The following RNF213 variants were observed in gnomAD, a reference collection of about 807,000 sequenced individuals.
The protein encoded by RNF213 is ring finger protein 213, also known as E3 ubiquitin-protein ligase RNF213.
A neutral mutation model predicts 514.4 loss-of-function variants in RNF213; 341 were observed. The ratio of observed to expected loss-of-function variants is 0.66; its 90% CI spans 0.61 to 0.73. The LOEUF (loss-of-function observed/expected upper bound fraction) is 0.73, where lower values mean the gene tolerates loss of function less well. Among genes scored for constraint, RNF213 ranks in the 30% least tolerant of loss-of-function variants. RNF213 has a pLI of 0.00. For synonymous variants in RNF213, 2,655 were observed against 2,658.2 expected (o/e 1.00, Z 0.04); for missense variants, 5,767 against 6,615.6 (o/e 0.87, Z 4.45).
In RNF213 at chr17:80,379,680, G is replaced by C; in HGVS notation, c.13606G>C (p.Asp4536His). 6.2e-7 allele frequency: 1 copy of C among 1,614,222 alleles called. No homozygotes were observed. The highest frequency in any genetic ancestry group is 1.1e-5 in the South Asian group (1 of 91,062). Residue 4536 changes from aspartate to histidine, a missense_variant, in exon 55 of 68, where the codon GAC becomes CAC. By Grantham distance (81) the Asp-to-His change is moderately conservative. Around this residue, in one of 13 missense-constraint regions of RNF213, gnomAD observed 1,245 missense variants for 1,339.0 expected, o/e 0.93. Coordinates refer to ENST00000582970, the MANE Select transcript of RNF213 (RefSeq NM_001256071.3). ...IDCHAPIGGIDHKPRDGFHLV... is the reference protein window; with the variant it reads ...IDCHAPIGGIHHKPRDGFHLV... Reference sequence around the variant, plus strand: ...CTGCCATGCGCCGATTGGAGGCATTGACCACAAACCTCGGGACGGCTTTCA... The same window carrying C: ...CTGCCATGCGCCGATTGGAGGCATTCACCACAAACCTCGGGACGGCTTTCA...
At chr17:80,334,301 T>C (rs2077921227) in intron 22 of RNF213, 31 bp downstream of exon 22, 2 of 1,514,632 alleles carry the variant, frequency 1.3e-6, no homozygotes, top group Non-Finnish European at 8.8e-7. Flanking sequence ...TGCGTGGAAG[T>C]GTGGAGAAAG....
rs1013876504 is a variant in RNF213 at position 80,340,341 on chromosome 17, G to C, written c.5974G>C (p.Glu1992Gln). 1 of 1,612,404 alleles carries C rather than the reference G, an allele frequency of 6.2e-7. No homozygotes were observed. Among genetic ancestry groups the C allele is most frequent in the Admixed American group, 1.7e-5 (1 of 59,984 alleles). Reference sequence around the variant, plus strand: ...GCTGTGTGTTGGGATCGTGGCCTCGGAGCGAGCAGGTGTTGGTAAGGAGAG... The same window carrying C: ...GCTGTGTGTTGGGATCGTGGCCTCGCAGCGAGCAGGTGTTGGTAAGGAGAG... ...DRLCVGIVAS[E>Q]RAGVGKSLYV... Residue 1992 changes from glutamate (E) to glutamine (Q), a missense_variant, in exon 26 of 68, where the codon GAG becomes CAG. By Grantham distance (29) the Glu-to-Gln change is conservative. Around this residue, in one of 13 missense-constraint regions of RNF213, gnomAD observed 1,377 missense variants for 1,635.2 expected, o/e 0.84. Coordinates refer to ENST00000582970, the MANE Select transcript of RNF213 (RefSeq NM_001256071.3).
rs753467321 is a variant in RNF213 at position 80,381,537 on chromosome 17, G to GC, written c.13798-5dup. On this transcript the variant is annotated splice_polypyrimidine_tract_variant and intron_variant, in intron 56 of 67. Transcript: ENST00000582970. Reference sequence around the variant, plus strand: ...TCCCCGCTGAACACTCTGTTCCGTTGCCCCCACAGGCTCTGATAAACATCA... The same window carrying GC: ...TCCCCGCTGAACACTCTGTTCCGTTGCCCCCCACAGGCTCTGATAAACATCA... 4.3e-6 allele frequency: 7 copies of GC among 1,613,874 alleles called. No homozygotes were observed. Among genetic ancestry groups the GC allele is most frequent in the Non-Finnish European group, 5.9e-6 (7 of 1,179,866 alleles).
chr17:80,276,533 A>G (rs2044062233), intron 3 of RNF213, among the ~76,000 whole-genome samples: 1 of 152,238 alleles, frequency 6.6e-6, no homozygotes, highest in Non-Finnish European at 1.5e-5. Context: ...AACAAGAGAA[A>G]ACCGACATGA....
intron 36 of RNF213, among the ~76,000 whole-genome samples, chr17:80,357,075 C>T (rs368315497): frequency 2.6e-5 from 4 of 151,984 alleles, no homozygotes; most frequent in Admixed American, 2.6e-4. Context: ...CCTGCCACCA[C>T]GACTGTAATT....
rs1906315578 is a variant in RNF213 at position 80,264,675 on chromosome 17, C to G, written c.97+897C>G. Among the ~76,000 whole-genome samples, 1 of 152,172 alleles carries G rather than the reference C, an allele frequency of 6.6e-6. No homozygotes were observed. Among genetic ancestry groups the G allele is most frequent in the African/African-American group, 2.4e-5 (1 of 41,432 alleles). On this transcript the variant is annotated intron_variant, in intron 2 of 67. Coordinates refer to ENST00000582970, the MANE Select transcript of RNF213 (RefSeq NM_001256071.3). The surrounding 1 kb of genome is among the most constrained non-coding windows in gnomAD (Gnocchi z 5.0). ...TGCTGGTCTCCCCGCCTCCACGCTG[C>G]ATGCTGCCTTCCTGCTTCCTGCTCA...
At chr17:80,354,875 A>G (rs538479406) in intron 36 of RNF213, 1 of 436,912 alleles carries the variant, frequency 2.3e-6, no homozygotes, top group African/African-American at 2.0e-5. Context: ...TCATGTTGAT[A>G]ACCCTAGAAA....
In RNF213 at chr17:80,288,700, C is replaced by T; in HGVS notation, c.878C>T (p.Thr293Ile). 2.5e-6 allele frequency: 4 copies of T among 1,614,198 alleles called. No individual in the cohort carries two copies. The highest frequency in any genetic ancestry group is 1.7e-5 in the Admixed American group (1 of 60,022). Residue 293 changes from threonine to isoleucine, a missense_variant, in exon 5 of 68, where the codon ACC becomes ATC. Thr to Ile is a moderately conservative substitution (Grantham distance 89, BLOSUM62 -1). Around this residue, in one of 13 missense-constraint regions of RNF213, gnomAD observed 509 missense variants for 496.7 expected, o/e 1.02. Coordinates refer to ENST00000582970, the MANE Select transcript of RNF213 (RefSeq NM_001256071.3). This position sits in a 1 kb window ranked among gnomAD's most constrained non-coding sequence, Gnocchi z 4.9. Reference protein sequence around the residue: ...KGAGKEMKEKTQRMKQPPATT... With the variant: ...KGAGKEMKEKIQRMKQPPATT... ...GCCGGGAAGGAAATGAAAGAGAAGACCCAGAGAATGAAACAGCCACCAGCA... is the reference window on the plus strand; with the variant it reads ...GCCGGGAAGGAAATGAAAGAGAAGATCCAGAGAATGAAACAGCCACCAGCA...
At chr17:80,289,601 A>AAG (rs2044611750) in intron 5 of RNF213, 58 bp from the exon 6 acceptor site, 15 of 1,575,396 alleles carry the variant, frequency 9.5e-6, no homozygotes, top group Non-Finnish European at 1.3e-5. Flanking sequence ...AGAAAAAAAA[A>AAG]AAAAAAAGAA....
In RNF213 at chr17:80,363,712, T is replaced by C; in HGVS notation, c.11672T>C (p.Met3891Thr). 1.2e-6 allele frequency: 2 copies of C among 1,613,918 alleles called. No homozygotes were observed. The highest frequency in any genetic ancestry group is 1.1e-5 in the South Asian group (1 of 91,060). Residue 3891 changes from methionine to threonine, a missense_variant, in exon 41 of 68, where the codon ATG becomes ACG. Physicochemically the swap from Met to Thr is moderately conservative, Grantham distance 81 (BLOSUM62 -1). This residue lies in a region of RNF213 where 355 missense variants were observed against 358.0 expected (regional missense o/e 0.99). Coordinates refer to ENST00000582970, the MANE Select transcript of RNF213 (RefSeq NM_001256071.3). The stretch of plus-strand genomic sequence containing the variant: ...CTACAGTTGGTGAAGAATCTTTCCA[T>C]GCCGCTGGAGCTCATCTGCTCCGAT... ...AWLQLVKNLS[M>T]PLELICSDEH... is the part of the protein sequence containing the mutation.
intron 17 of RNF213, chr17:80,319,574 A>C: frequency 6.3e-7 from 1 of 1,593,226 alleles, no homozygotes; most frequent in Non-Finnish European, 8.5e-7. Context: ...CGCGTGTGGC[A>C]CAAGTCACAC....
chr17:80,354,731 G>A lies in RNF213; in HGVS notation c.10862+155G>A, dbSNP rs530422594. 3.8e-5 allele frequency: 35 copies of A among 922,002 alleles called. No individual in the cohort carries two copies. In the East Asian group the frequency reaches 7.3e-4, roughly 19 times the overall value. 57.1% of individuals were successfully genotyped at this position (922,002 alleles called of 1,614,324 possible). ...AAGCTGTAAAGTTTTTCCCCAAGAA[G>A]CACACAGTAGGTCTGGACAGTGGCC... On this transcript the variant is annotated intron_variant, in intron 36 of 67. Coordinates refer to ENST00000582970, the MANE Select transcript of RNF213 (RefSeq NM_001256071.3).
rs1240845918 is a variant in RNF213, at chr17:80,388,600, T to C, written c.14923-12T>C. The stretch of plus-strand genomic sequence containing the variant: ...ATTTAATTTTAAAAAACTTTTTTCT[T>C]TCCCAATTTAGGGAATACCCACTCT... On this transcript the variant is annotated splice_polypyrimidine_tract_variant and intron_variant, in intron 63 of 67. Transcript: ENST00000582970. 3 of 1,590,338 alleles carry C rather than the reference T, an allele frequency of 1.9e-6. No homozygotes were observed. The Admixed American group carries it at 5.0e-5, about 27-fold the overall frequency.
Position 80,345,141 on chromosome 17 carries a change from C to G in RNF213, c.6806C>G (p.Thr2269Ser), listed in dbSNP as rs1316242910. 6.2e-7 allele frequency: 1 copy of G among 1,614,144 alleles called. No homozygotes were observed. Reference sequence around the variant, plus strand: ...GATTTTGCCACACCATCACTCCACACCTCTGACCAAAGCCCGGGGAAGCAC... The same window carrying G: ...GATTTTGCCACACCATCACTCCACAGCTCTGACCAAAGCCCGGGGAAGCAC... ...ARDFATPSLHTSDQSPGKHMV... is the reference protein window; with the variant it reads ...ARDFATPSLHSSDQSPGKHMV... The change falls in exon 29 of 68, where the codon ACC (threonine) becomes AGC (serine). Residue 2269 changes from threonine (T) to serine (S), a missense_variant. Around this residue, in one of 13 missense-constraint regions of RNF213, gnomAD observed 1,377 missense variants for 1,635.2 expected, o/e 0.84. Coordinates refer to ENST00000582970, the MANE Select transcript of RNF213 (RefSeq NM_001256071.3). The surrounding 1 kb of genome is among the most constrained non-coding windows in gnomAD (Gnocchi z 6.0).
chr17:80,338,115 C>G (rs989176291), intron 25 of RNF213, 118 bp downstream of exon 25: 33 of 1,258,878 alleles, frequency 2.6e-5, no homozygotes, highest in Non-Finnish European at 3.3e-5. Flanking sequence ...AAGAAGGGCT[C>G]TGCTCTTAGG....
At position 80,339,371 on chromosome 17, in the gene RNF213, T is replaced by A. The variant is rs2078082756; in HGVS notation, c.5004T>A (p.Asp1668Glu). 2.0e-6 allele frequency: 3 copies of A among 1,537,272 alleles called. No individual in the cohort carries two copies. Among genetic ancestry groups the A allele is most frequent in the Non-Finnish European group, 2.6e-6 (3 of 1,146,906 alleles). Residue 1668 changes from aspartate (D) to glutamate (E), a missense_variant, in exon 26 of 68, where the codon GAT becomes GAA. This residue lies in a region of RNF213 where 1,377 missense variants were observed against 1,635.2 expected (regional missense o/e 0.84). Transcript: ENST00000582970. Reference protein sequence around the residue: ...DLVTELKEGGDVTELLAALCR... With the variant: ...DLVTELKEGGEVTELLAALCR... ...TGACGGAGCTTAAAGAAGGTGGAGA[T>A]GTCACTGAGCTGCTGGCAGCCCTCT...
At chr17:80,369,360 T>C (rs1599154923) in intron 44 of RNF213, 142 bp from the exon 45 acceptor site, 1 of 837,936 alleles carries the variant, frequency 1.2e-6, no homozygotes, top group Non-Finnish European at 2.0e-6. Context: ...ATCGCGCCAC[T>C]GTACTCCAGC....
chr17:80,313,185 G>A lies in RNF213; in HGVS notation c.2811+18G>A. The A allele has an allele frequency of 6.2e-7, 1 of 1,613,986 alleles. No individual in the cohort carries two copies. Among genetic ancestry groups the A allele is most frequent in the Non-Finnish European group, 8.5e-7 (1 of 1,180,030 alleles). ...AAATTGAGGTAGGCATTTGGCCGAAGGCTTCTGGGTAGGGATGTGACTGAT... is the reference window on the plus strand; with the variant it reads ...AAATTGAGGTAGGCATTTGGCCGAAAGCTTCTGGGTAGGGATGTGACTGAT... On this transcript the variant is annotated intron_variant, in intron 15 of 67. Coordinates refer to ENST00000582970, the MANE Select transcript of RNF213 (RefSeq NM_001256071.3).
chr17:80,314,955 ATGG>A lies in RNF213; in HGVS notation c.2811+1793_2811+1795del, dbSNP rs1273353264. ...GGTGTTGGTGGAGGTACTGGAGGTG[ATGG>A]TGGTCGTGTAGGTGATGGTGGAGGT... On this transcript the variant is annotated intron_variant, in intron 15 of 67. Coordinates refer to ENST00000582970, the MANE Select transcript of RNF213 (RefSeq NM_001256071.3). Among the ~76,000 whole-genome samples, 2 of 4,236 alleles carry A rather than the reference ATGG, an allele frequency of 4.7e-4. 1 individual carries two copies. The highest frequency in any genetic ancestry group is 4.3e-3 in the Admixed American group (2 of 464). The allele number at this position is 4,236 out of a possible 152,430, so 2.8% of individuals were successfully genotyped here.
Sources: gnomAD v4.1 joint callset for allele counts (sites outside exome capture counted in the v4.1 genomes callset) on GRCh38, gnomAD v4.1.1 for gene constraint, gnomAD v4.1.1 regional missense constraint, Gnocchi (gnomAD v3.1) non-coding constraint, MANE v1.5 for transcripts, NCBI Gene and HGNC (gene_info 2026-07-23, HGNC 2026-07-21) for gene names.